TMC1: variants seen among roughly 807,000 people sequenced by gnomAD.
TMC1 encodes the protein transmembrane channel like 1.
In TMC1, 84 loss-of-function variants were observed where a neutral mutation model predicts 105.8. The ratio of observed to expected loss-of-function variants is 0.79; its 90% CI spans 0.67 to 0.95. The LOEUF is 0.95. Among genes scored for constraint, TMC1 ranks in the 40% least tolerant of loss-of-function variants. TMC1 has a pLI of 0.00. For missense variants in TMC1, 817 were observed against 914.1 expected, an observed-to-expected ratio of 0.89 and a Z score of 1.37; for synonymous variants, 315 against 311.5, an observed-to-expected ratio of 1.01 and a Z score of -0.12.
chr9:72,667,409 A>G (rs1209035286), intron 5 of TMC1, among the ~76,000 whole-genome samples: 1 of 152,152 alleles, frequency 6.6e-6, no homozygotes, highest in East Asian at 1.9e-4. Context: ...TCCTGGATAA[A>G]CCAAAAATCT....
At chr9:72,833,082 T>A (rs935107949) in intron 23 of TMC1, among the ~76,000 whole-genome samples, 1 of 152,196 alleles carries the variant, frequency 6.6e-6, no homozygotes, top group Non-Finnish European at 1.5e-5. Context: ...ATAATAATTT[T>A]AATAGATAAT....
intron 13 of TMC1, among the ~76,000 whole-genome samples, chr9:72,774,841 C>T (rs568369430): frequency 2.7e-4 from 41 of 152,272 alleles, no homozygotes; most frequent in African/African-American, 9.4e-4. Flanking sequence ...TCATCTCTTC[C>T]TACTCCTATC....
At chr9:72,804,248 T>C (rs937000119) in intron 17 of TMC1, among the ~76,000 whole-genome samples, 1 of 151,748 alleles carries the variant, frequency 6.6e-6, no homozygotes, top group Non-Finnish European at 1.5e-5. Context: ...AAGGGAGAAA[T>C]GAGAACATCA....
At chr9:72,765,807 C>A (rs962193035) in intron 12 of TMC1, among the ~76,000 whole-genome samples, 4 of 152,102 alleles carry the variant, frequency 2.6e-5, no homozygotes, top group Non-Finnish European at 5.9e-5. Flanking sequence ...ATGAGACATG[C>A]AAGTGGAGTG....
chr9:72,562,008 TAAA>T (rs11367909), intron 1 of TMC1, among the ~76,000 whole-genome samples: 1 of 144,520 alleles, frequency 6.9e-6, no homozygotes, highest in African/African-American at 2.5e-5. Context: ...ATCCTATCTC[TAAA>T]AAAAAAAAAA....
intron 5 of TMC1, among the ~76,000 whole-genome samples, chr9:72,671,401 A>T (rs1417619): frequency 0.24 from 36,663 of 152,114 alleles, 4,762 homozygotes; most frequent in East Asian, 0.38. Context: ...TCAAATTCAT[A>T]CAGCTTAAAA....
intron 13 of TMC1, among the ~76,000 whole-genome samples, chr9:72,773,556 C>G (rs143533736): frequency 6.6e-6 from 1 of 152,276 alleles, no homozygotes; most frequent in South Asian, 2.1e-4. Flanking sequence ...ATTTATCAAC[C>G]TGCTAAAGTG....
intron 1 of TMC1, among the ~76,000 whole-genome samples, chr9:72,538,278 C>T (rs1226157951): frequency 6.6e-6 from 1 of 152,050 alleles, no homozygotes; most frequent in Non-Finnish European, 1.5e-5. Context: ...GTGTCAGACT[C>T]TCTGGAAAAA....
chr9:72,816,097 T>C, intron 18 of TMC1, 46 bp from the exon 19 acceptor site: 1 of 1,583,612 alleles, frequency 6.3e-7, no homozygotes, highest in Non-Finnish European at 8.7e-7. Context: ...CCTTTCAGTT[T>C]TGACCATGTG....
chr9:72,802,254 TATAC>T (rs33965711), intron 17 of TMC1, among the ~76,000 whole-genome samples: 26,630 of 149,154 alleles, frequency 0.18, 2,494 homozygotes, highest in African/African-American at 0.22. Context: ...TACATACATA[TATAC>T]ATACATACAT....
intron 5 of TMC1, among the ~76,000 whole-genome samples, chr9:72,677,576 C>A (rs1247409935): frequency 1.3e-5 from 2 of 152,116 alleles, no homozygotes; most frequent in African/African-American, 4.8e-5. Flanking sequence ...CCCGGCCTGG[C>A]AAGGAGTAAG....
Position 72,821,010 on chromosome 9 carries a change from C to T in TMC1, c.1932C>T (p.Leu644=), listed in dbSNP as rs1434623585. The part of the protein sequence containing the change: ...NFYLGMLLLI[L]FLSTMPVLYM... ...ACCTGGGCATGCTACTGCTCATCCT[C>T]TTCCTGTCCACAATGCCTGTCTTGT... is the stretch of plus-strand genomic sequence containing the variant. Residue 644 remains leucine (L), a synonymous_variant, in exon 20 of 24, where the codon CTC becomes CTT. Coordinates refer to ENST00000297784, the MANE Select transcript of TMC1 (RefSeq NM_138691.3). 1 of 1,614,200 alleles carries T rather than the reference C, an allele frequency of 6.2e-7. No homozygotes were observed. Among genetic ancestry groups the T allele is most frequent in the East Asian group, 2.2e-5 (1 of 44,886 alleles).
chr9:72,627,635 C>CTTCAAATGTGTAT (rs1417433270), intron 3 of TMC1, among the ~76,000 whole-genome samples: 2 of 152,138 alleles, frequency 1.3e-5, no homozygotes, highest in Non-Finnish European at 2.9e-5. Context: ...TTTCAAAGAA[C>CTTCAAATGTGTAT]TTCAAATGTG....
intron 4 of TMC1, among the ~76,000 whole-genome samples, chr9:72,639,215 T>C (rs1475595590): frequency 1.3e-5 from 2 of 152,210 alleles, no homozygotes; most frequent in African/African-American, 4.8e-5. Flanking sequence ...GCTGGTGATA[T>C]TCTAATGTAC....
At chr9:72,702,675 G>A (rs575984867) in intron 8 of TMC1, among the ~76,000 whole-genome samples, 13 of 152,124 alleles carry the variant, frequency 8.5e-5, no homozygotes, top group African/African-American at 3.1e-4. Context: ...AGCCTTGTGG[G>A]ATGGTGACAC....
At chr9:72,579,670 GTTATT>G (rs747664351) in intron 2 of TMC1, among the ~76,000 whole-genome samples, 36 of 152,134 alleles carry the variant, frequency 2.4e-4, no homozygotes, top group Non-Finnish European at 4.4e-4. Flanking sequence ...CTTTAAATAT[GTTATT>G]TTATTCAATC....
intron 8 of TMC1, among the ~76,000 whole-genome samples, chr9:72,719,711 C>G (rs879601815): frequency 2.6e-5 from 4 of 152,202 alleles, no homozygotes; most frequent in Non-Finnish European, 5.9e-5. Flanking sequence ...GTCCTGACTC[C>G]TATCTGCCAT....
intron 1 of TMC1, among the ~76,000 whole-genome samples, chr9:72,534,329 G>A (rs1333184828): frequency 2.6e-5 from 4 of 152,102 alleles, no homozygotes; most frequent in Non-Finnish European, 5.9e-5. Flanking sequence ...CCATGAAACA[G>A]AAATATCACA....
intron 8 of TMC1, among the ~76,000 whole-genome samples, chr9:72,712,842 T>A (rs1826858034): frequency 6.6e-6 from 1 of 152,260 alleles, no homozygotes; most frequent in Non-Finnish European, 1.5e-5. Flanking sequence ...CCTTGTCTTA[T>A]GCTGGTTTTC....
Sources: gnomAD v4.1 joint callset for allele counts (sites outside exome capture counted in the v4.1 genomes callset) on GRCh38, gnomAD v4.1.1 for gene constraint, MANE v1.5 for transcripts, NCBI Gene and HGNC (gene_info 2026-07-23, HGNC 2026-07-21) for gene names.